CHD6: variants seen among roughly 807,000 people sequenced by gnomAD.
CHD6 encodes ATP-dependent chromatin remodeler CHD6.
In CHD6, 50 loss-of-function variants were observed where a neutral mutation model predicts 276.9. The ratio of observed to expected loss-of-function variants is 0.18; its 90% confidence interval spans 0.14 to 0.23. CHD6 has a LOEUF of 0.23. Among genes scored for constraint, CHD6 ranks in the 10% least tolerant of loss-of-function variants. The probability of loss-of-function intolerance (pLI) is 1.00; values close to 1 mark genes in which losing one functional copy is unlikely to be tolerated. For synonymous variants in CHD6, 1,173 were observed against 1,229.3 expected (o/e 0.95, Z 0.96); for missense variants, 2,564 against 3,365.8 (o/e 0.76, Z 5.89).
intron 34 of CHD6, chr20:41,413,931 T>A (rs756244949): frequency 9.7e-5 from 15 of 155,034 alleles, no homozygotes; most frequent in Non-Finnish European, 2.1e-4. Flanking sequence ...TTTGAATGCC[T>A]GTCTTACCTC....
At chr20:41,435,785 G>A (rs1200342524) in intron 27 of CHD6, among the ~76,000 whole-genome samples, 7 of 151,964 alleles carry the variant, frequency 4.6e-5, no homozygotes, top group African/African-American at 1.7e-4. Context: ...AAAGGCAAAG[G>A]AACAAGAAAA....
chr20:41,404,676 T>C lies in CHD6; in HGVS notation c.8065A>G (p.Ser2689Gly). Residue 2689 changes from serine to glycine, a missense_variant, in exon 37 of 37, where the codon AGT (serine) becomes GGT (glycine). Coordinates refer to ENST00000373233, the MANE Select transcript of CHD6 (RefSeq NM_032221.5). ...PSGDENCAEP[S>G]APLPAEREHG... ...TCTCTCTCTGCGGGCAAAGGGGCAC[T>C]GGGTTCGGCACAGTTCTCATCACCG... The C allele has an allele frequency of 1.3e-6, 2 of 1,557,694 alleles. No homozygotes were observed. The highest frequency in any genetic ancestry group is 2.3e-5 in the East Asian group (1 of 44,266).
chr20:41,403,790 CT>C lies in CHD6; in HGVS notation c.*802del. ...GTGAGAGCAGAGCGCTAGCCGTGTG[CT>C]TGTGAAGCAGCGTGTAGCTCTACGG... On this transcript the variant is annotated 3_prime_UTR_variant, in exon 37 of 37. Transcript: ENST00000373233. 1 of 1,058,422 alleles carries C rather than the reference CT, an allele frequency of 9.4e-7. No individual in the cohort carries two copies. Among genetic ancestry groups the C allele is most frequent in the Non-Finnish European group, 1.1e-6 (1 of 875,020 alleles). The allele number at this position is 1,058,422 out of a possible 1,614,324, so 65.6% of individuals were successfully genotyped here.
intron 16 of CHD6, among the ~76,000 whole-genome samples, chr20:41,480,310 G>A (rs1404586623): frequency 6.6e-6 from 1 of 152,146 alleles, no homozygotes; most frequent in African/African-American, 2.4e-5. Flanking sequence ...CTAGAGAAGA[G>A]GAAACTGATG....
chr20:41,439,964 C>G, intron 26 of CHD6, 36 bp downstream of exon 26: 1 of 1,608,910 alleles, frequency 6.2e-7, no homozygotes, highest in African/African-American at 1.3e-5. Flanking sequence ...AGTGGCATGG[C>G]ATGTCACATG....
chr20:41,497,557 T>C lies in CHD6; in HGVS notation c.975-56A>G, dbSNP rs1321927707. 1.2e-5 allele frequency: 15 copies of C among 1,202,498 alleles called. No individual in the cohort carries two copies. The Admixed American group carries it at 2.5e-4, about 20-fold the overall frequency. 74.5% of individuals were successfully genotyped at this position (1,202,498 alleles called of 1,614,324 possible). On this transcript the variant is annotated intron_variant, in intron 7 of 36. Transcript: ENST00000373233. Reference sequence around the variant, plus strand: ...GCACATAACTAGCAAATGATCGAGCTTTAAGGTGTTCAATAAACACGGTGA... The same window carrying C: ...GCACATAACTAGCAAATGATCGAGCCTTAAGGTGTTCAATAAACACGGTGA...
Position 41,487,717 on chromosome 20 carries a change from G to A in CHD6, c.1949C>T (p.Pro650Leu), listed in dbSNP as rs6072387. The change falls in exon 14 of 37, where the codon CCT (proline) becomes CTT (leucine). Residue 650 changes from proline (P) to leucine (L), a missense_variant. Transcript: ENST00000373233. ...LLNFLEPSQFPSETAFLEEFG... is the reference protein window; with the variant it reads ...LLNFLEPSQFLSETAFLEEFG... ...TTCCTCCAAGAAAGCGGTCTCTGAA[G>A]GAAACTGTGATGGCTCCAGAAAATT... The A allele has an allele frequency of 6.2e-7, 1 of 1,612,360 alleles. No individual in the cohort carries two copies. The highest frequency in any genetic ancestry group is 8.5e-7 in the Non-Finnish European group (1 of 1,179,560).
intron 1 of CHD6, among the ~76,000 whole-genome samples, chr20:41,617,955 G>A (rs867769692): frequency 8.9e-5 from 13 of 146,352 alleles, no homozygotes; most frequent in African/African-American, 2.7e-4. Context: ...CCCGGGGGGG[G>A]CCTCGGCACG....
intron 27 of CHD6, among the ~76,000 whole-genome samples, chr20:41,429,565 T>C (rs1031499595): frequency 2.0e-5 from 3 of 152,126 alleles, no homozygotes; most frequent in Non-Finnish European, 2.9e-5. Context: ...TGGAAAAATA[T>C]AGAGGAACTA....
chr20:41,415,827 G>C (rs1470998722), intron 33 of CHD6, among the ~76,000 whole-genome samples, 189 bp from the exon 34 acceptor site: 1 of 152,226 alleles, frequency 6.6e-6, no homozygotes, highest in Admixed American at 6.5e-5. Flanking sequence ...GTGGGTCTGA[G>C]GTAGAGCCTG....
At chr20:41,493,393 C>T in intron 10 of CHD6, 145 bp downstream of exon 10, 2 of 798,348 alleles carry the variant, frequency 2.5e-6, no homozygotes, top group Middle Eastern at 3.9e-4. Flanking sequence ...GGGTGGAAAA[C>T]ACTGAATTGA....
At chr20:41,438,148 T>TTC (rs1235498957) in intron 26 of CHD6, among the ~76,000 whole-genome samples, 1 of 152,222 alleles carries the variant, frequency 6.6e-6, no homozygotes, top group Non-Finnish European at 1.5e-5. Flanking sequence ...CTCCTTGGCT[T>TTC]GGAAGGGAGC....
At chr20:41,442,486 A>C (rs2047931729) in intron 25 of CHD6, among the ~76,000 whole-genome samples, 1 of 152,140 alleles carries the variant, frequency 6.6e-6, no homozygotes, top group African/African-American at 2.4e-5. Flanking sequence ...GTCAATGAAC[A>C]GTCATGTGTT....
chr20:41,531,258 A>AATACAGTCTAGATAC (rs769217263), intron 3 of CHD6, among the ~76,000 whole-genome samples: 3 of 152,168 alleles, frequency 2.0e-5, no homozygotes, highest in Admixed American at 2.0e-4. Context: ...GATACAAACC[A>AATACAGTCTAGATAC]AGACTTCTTA....
chr20:41,490,540 C>T (rs999371719), intron 11 of CHD6, among the ~76,000 whole-genome samples: 12 of 152,244 alleles, frequency 7.9e-5, no homozygotes, highest in East Asian at 7.7e-4. Context: ...TGGCCAGGCG[C>T]GGTGGCTCAC....
chr20:41,509,807 A>G (rs1172084057), intron 5 of CHD6, among the ~76,000 whole-genome samples: 1 of 152,190 alleles, frequency 6.6e-6, no homozygotes, highest in African/African-American at 2.4e-5. Context: ...AAAGAGTCAC[A>G]TTTAGGATGG....
chr20:41,468,242 T>C (rs1182405098), intron 17 of CHD6, among the ~76,000 whole-genome samples: 3 of 151,960 alleles, frequency 2.0e-5, no homozygotes, highest in Non-Finnish European at 2.9e-5. Context: ...CCCAAGTAGC[T>C]GGGATTACAG....
intron 24 of CHD6, 81 bp from the exon 25 acceptor site, chr20:41,445,849 A>C (rs1600875261): frequency 6.5e-6 from 5 of 774,952 alleles, no homozygotes; most frequent in Admixed American, 6.3e-5. Context: ...TCCTACTGGC[A>C]TGCTGAGATG....
intron 16 of CHD6, among the ~76,000 whole-genome samples, chr20:41,482,855 C>T (rs190744198): frequency 1.6e-4 from 24 of 152,168 alleles, no homozygotes; most frequent in African/African-American, 5.5e-4. Flanking sequence ...AGAGGGCTTG[C>T]TGAGAAAGGA....
Sources: gnomAD v4.1 joint callset for allele counts (sites outside exome capture counted in the v4.1 genomes callset) on GRCh38, gnomAD v4.1.1 for gene constraint, MANE v1.5 for transcripts, NCBI Gene and HGNC (gene_info 2026-07-23, HGNC 2026-07-21) for gene names.